Variants in MCC observed in about 807,000 individuals in gnomAD.
The protein encoded by MCC is colorectal mutant cancer protein.
A neutral mutation model predicts 116.2 loss-of-function variants in MCC; 90 were observed. That is an observed-to-expected ratio of 0.77 (90% confidence interval 0.65 to 0.92). The LOEUF is 0.92. Among genes scored for constraint, MCC ranks in the 40% least tolerant of loss-of-function variants. The pLI is 0.00. For synonymous variants in MCC, 578 were observed against 510.5 expected (o/e 1.13, Z -1.78); for missense variants, 1,516 against 1,312.2 (o/e 1.16, Z -2.40).
At chr5:113,450,388 G>A (rs1771357175) in intron 1 of MCC, among the ~76,000 whole-genome samples, 1 of 152,170 alleles carries the variant, frequency 6.6e-6, no homozygotes, top group African/African-American at 2.4e-5. Flanking sequence ...TATGGGCCTC[G>A]CCTTGGTGGG....
rs571216080 is a variant in MCC, at chr5:113,448,249, G to T, written c.170+39996C>A. ...CAGGCACCATGAGTGGGGTCAATCA[G>T]TCTTTGCCTCTCCATTCTTCTCCTT... On this transcript the variant is annotated intron_variant, in intron 1 of 18. Coordinates refer to ENST00000408903, the MANE Select transcript of MCC (RefSeq NM_001085377.2). The T allele has an allele frequency of 3.3e-5, 5 of 152,314 alleles. No homozygotes were observed. The East Asian group carries it at 9.6e-4, about 29-fold the overall frequency. The allele number at this position is 152,314 out of a possible 1,614,324, so 9.4% of individuals were successfully genotyped here. A position where few individuals can be genotyped will look rare whatever the true frequency, so the allele number is the denominator to read the frequency against.
At chr5:113,278,039 C>A (rs112851317) in intron 3 of MCC, among the ~76,000 whole-genome samples, 2 of 152,176 alleles carry the variant, frequency 1.3e-5, no homozygotes, top group South Asian at 2.1e-4. Context: ...CCCTCAGAAA[C>A]CTGGGTATTA....
chr5:113,268,314 T>C (rs1350755329), intron 3 of MCC, among the ~76,000 whole-genome samples: 1 of 152,240 alleles, frequency 6.6e-6, no homozygotes, highest in Non-Finnish European at 1.5e-5. Flanking sequence ...CAGTTCATTC[T>C]AGCGGTCTCA....
intron 6 of MCC, among the ~76,000 whole-genome samples, chr5:113,105,086 G>A (rs2074633681): frequency 6.6e-6 from 1 of 152,308 alleles, no homozygotes; most frequent in Admixed American, 6.5e-5. Flanking sequence ...ATTTTGTTGG[G>A]AAGAAAACTC....
chr5:113,235,660 G>C (rs555765217), intron 3 of MCC, among the ~76,000 whole-genome samples: 32 of 152,206 alleles, frequency 2.1e-4, no homozygotes, highest in Admixed American at 4.6e-4. Flanking sequence ...ACTACACAAG[G>C]AGATTCAGTA....
chr5:113,275,616 C>T (rs865785443), intron 3 of MCC, among the ~76,000 whole-genome samples: 38 of 152,188 alleles, frequency 2.5e-4, no homozygotes, highest in African/African-American at 9.2e-4. Context: ...CCTCCATTTC[C>T]ATGGATTCTA....
At chr5:113,111,237 C>T (rs905780044) in intron 6 of MCC, among the ~76,000 whole-genome samples, 1 of 152,176 alleles carries the variant, frequency 6.6e-6, no homozygotes, top group African/African-American at 2.4e-5. Flanking sequence ...AACAGGTATT[C>T]CCAGCTGGGG....
At chr5:113,456,961 A>G (rs1262432001) in intron 1 of MCC, among the ~76,000 whole-genome samples, 1 of 152,158 alleles carries the variant, frequency 6.6e-6, no homozygotes, top group Admixed American at 6.5e-5. Flanking sequence ...ATGAAATCAT[A>G]ATGAGAGGTG....
intron 7 of MCC, among the ~76,000 whole-genome samples, 199 bp from the exon 8 acceptor site, chr5:113,102,144 G>C (rs1352844627): frequency 6.6e-6 from 1 of 152,118 alleles, no homozygotes; most frequent in Non-Finnish European, 1.5e-5. Context: ...ACTTGCCTGG[G>C]GTACAGTCTG....
intron 17 of MCC, among the ~76,000 whole-genome samples, chr5:113,040,582 G>T (rs575721610): frequency 2.0e-5 from 3 of 152,162 alleles, no homozygotes; most frequent in Admixed American, 6.5e-5. Context: ...GTTTCCATTT[G>T]ATTTTTTAAA....
chr5:113,298,768 G>T (rs955287144), intron 3 of MCC, among the ~76,000 whole-genome samples: 4 of 152,156 alleles, frequency 2.6e-5, no homozygotes, highest in Admixed American at 6.5e-5. Flanking sequence ...GGGAAGACAA[G>T]AATTCAGAGA....
At chr5:113,233,444 C>T (rs1764012048) in intron 3 of MCC, among the ~76,000 whole-genome samples, 1 of 152,214 alleles carries the variant, frequency 6.6e-6, no homozygotes, top group Non-Finnish European at 1.5e-5. Context: ...ATACTACCTG[C>T]TCCAAACACA....
chr5:113,260,060 G>C (rs1291551722), intron 3 of MCC, among the ~76,000 whole-genome samples: 1 of 151,448 alleles, frequency 6.6e-6, no homozygotes, highest in African/African-American at 2.4e-5. Flanking sequence ...AAATTCAAGA[G>C]AATCAATGAC....
chr5:113,475,102 T>G (rs184940480), intron 1 of MCC, among the ~76,000 whole-genome samples: 3 of 152,386 alleles, frequency 2.0e-5, no homozygotes, highest in Admixed American at 2.0e-4. Context: ...ACTACAAATT[T>G]GGACCTGTGG....
At chr5:113,319,328 G>A (rs1205988746) in intron 3 of MCC, among the ~76,000 whole-genome samples, 1 of 152,208 alleles carries the variant, frequency 6.6e-6, no homozygotes, top group Non-Finnish European at 1.5e-5. Context: ...GAAGCAGAGA[G>A]GTATTAGTGA....
At chr5:113,429,356 G>C (rs916016788) in intron 1 of MCC, among the ~76,000 whole-genome samples, 1 of 152,138 alleles carries the variant, frequency 6.6e-6, no homozygotes, top group African/African-American at 2.4e-5. Context: ...GCCAGGAAAA[G>C]AGCACATTAG....
At chr5:113,222,840 A>G (rs1389079066) in intron 3 of MCC, among the ~76,000 whole-genome samples, 1 of 152,120 alleles carries the variant, frequency 6.6e-6, no homozygotes. Context: ...GGGGAAGGAG[A>G]TATGGTAAAA....
Position 113,022,173 on chromosome 5 carries a change from T to C in MCC, c.*5129A>G, listed in dbSNP as rs1750181287. On this transcript the variant is annotated 3_prime_UTR_variant, in exon 19 of 19. Coordinates refer to ENST00000408903, the MANE Select transcript of MCC (RefSeq NM_001085377.2). ...AATATTATAAATGTCTCTGTATAAA[T>C]AAATGGAGTTTTTAAAAAACAATTC... 6.6e-6 allele frequency: 1 copy of C among 152,564 alleles called. No homozygotes were observed. The highest frequency in any genetic ancestry group is 1.5e-5 in the Non-Finnish European group (1 of 68,036). 9.5% of individuals were successfully genotyped at this position (152,564 alleles called of 1,614,324 possible).
rs148464219 is a variant in MCC at position 113,053,797 on chromosome 5, G to C, written c.2376C>G (p.Val792=). 441 of 1,614,130 alleles carry C rather than the reference G, an allele frequency of 2.7e-4. 1 individual carries two copies. The highest frequency in any genetic ancestry group is 3.5e-4 in the Non-Finnish European group (417 of 1,179,996). ...GCCTCTGGCTGTCTCCCCGAGGCTT[G>C]ACGTCATAGCTGAGAGGATCGATGT... The part of the protein sequence containing the change: ...SIHIDPLSYD[V]KPRGDSQRLD... Residue 792 remains valine (V), a synonymous_variant, in exon 15 of 19, where the codon GTC becomes GTG. Transcript: ENST00000408903.
Sources: gnomAD v4.1 joint callset for allele counts (sites outside exome capture counted in the v4.1 genomes callset) on GRCh38, gnomAD v4.1.1 for gene constraint, MANE v1.5 for transcripts, NCBI Gene and HGNC (gene_info 2026-07-23, HGNC 2026-07-21) for gene names.